TECRL: variants seen among roughly 807,000 people sequenced by gnomAD.
TECRL encodes trans-2,3-enoyl-CoA reductase-like.
A neutral mutation model predicts 52.8 loss-of-function variants in TECRL; 63 were observed. That is an observed-to-expected ratio of 1.19 (90% CI 0.97 to 1.47). The LOEUF (loss-of-function observed/expected upper bound fraction) is 1.47, where lower values mean the gene tolerates loss of function less well. Ranked by LOEUF, TECRL falls within the 40% of genes most tolerant of loss-of-function variation. The probability of loss-of-function intolerance (pLI) is 0.00; values close to 1 mark genes in which losing one functional copy is unlikely to be tolerated. For synonymous variants in TECRL, 164 were observed against 141.9 expected (o/e 1.16, Z -1.10); for missense variants, 482 against 429.6 (o/e 1.12, Z -1.08).
chr4:64,312,895 C>G (rs929583319), intron 5 of TECRL, among the ~76,000 whole-genome samples: 2 of 152,122 alleles, frequency 1.3e-5, no homozygotes, highest in Non-Finnish European at 1.5e-5. Flanking sequence ...CTTTTAGGTT[C>G]TCCTTCCAAT....
At chr4:64,337,667 C>T (rs1457161826) in intron 2 of TECRL, among the ~76,000 whole-genome samples, 1 of 152,142 alleles carries the variant, frequency 6.6e-6, no homozygotes, top group Non-Finnish European at 1.5e-5. Context: ...TGAGTGAACT[C>T]CCATTCACAA....
chr4:64,368,642 C>G (rs1272842465), intron 2 of TECRL, among the ~76,000 whole-genome samples: 1 of 152,080 alleles, frequency 6.6e-6, no homozygotes, highest in East Asian at 1.9e-4. Flanking sequence ...ATCTTAGGTA[C>G]TTTTTGAGGT....
chr4:64,395,939 T>C (rs1723916131), intron 1 of TECRL, among the ~76,000 whole-genome samples: 1 of 152,162 alleles, frequency 6.6e-6, no homozygotes, highest in African/African-American at 2.4e-5. Context: ...GGTTTTCTGT[T>C]CCTCAGTTAA....
rs534820822 is a variant in TECRL at position 64,375,352 on chromosome 4, T to C, written c.235-129A>G. On this transcript the variant is annotated intron_variant, in intron 1 of 11. Transcript: ENST00000381210. ...AAGAATTTTTGCTTCATTTATCTTT[T>C]TAGTGATTACTATTTTGACAAGCTT... 8.7e-6 allele frequency: 4 copies of C among 461,908 alleles called. No homozygotes were observed. In the East Asian group the frequency reaches 1.7e-4, roughly 19 times the overall value. The allele number at this position is 461,908 out of a possible 1,614,324, so 28.6% of individuals were successfully genotyped here. A position where few individuals can be genotyped will look rare whatever the true frequency, so the allele number is the denominator to read the frequency against.
At chr4:64,407,879 CTAAAA>C (rs1724833715) in intron 1 of TECRL, among the ~76,000 whole-genome samples, 1 of 150,248 alleles carries the variant, frequency 6.7e-6, no homozygotes, top group African/African-American at 2.4e-5. Flanking sequence ...CACCTTGATA[CTAAAA>C]TAAAAGTAAA....
chr4:64,348,779 T>C (rs544489122), intron 2 of TECRL, among the ~76,000 whole-genome samples: 8 of 152,168 alleles, frequency 5.3e-5, no homozygotes, highest in Non-Finnish European at 8.8e-5. Flanking sequence ...ACATGTCTCA[T>C]CCTATATACA....
At chr4:64,324,482 T>A (rs1288250213) in intron 3 of TECRL, among the ~76,000 whole-genome samples, 1 of 151,958 alleles carries the variant, frequency 6.6e-6, no homozygotes, top group South Asian at 2.1e-4. Context: ...CAGTCTCTAT[T>A]TTTGAAATAA....
At chr4:64,280,923 A>G (rs1235451519) in intron 11 of TECRL, 118 bp downstream of exon 11, 1 of 593,246 alleles carries the variant, frequency 1.7e-6, no homozygotes, top group Non-Finnish European at 2.8e-6. Flanking sequence ...TCAGTATGAA[A>G]CTATGAAATC....
intron 8 of TECRL, among the ~76,000 whole-genome samples, chr4:64,290,860 A>G (rs1280077447): frequency 6.6e-6 from 1 of 152,154 alleles, no homozygotes; most frequent in Non-Finnish European, 1.5e-5. Flanking sequence ...AATACACCAA[A>G]TATATTAAAT....
intron 2 of TECRL, among the ~76,000 whole-genome samples, chr4:64,361,923 T>C (rs570038158): frequency 2.6e-5 from 4 of 152,246 alleles, no homozygotes; most frequent in African/African-American, 4.8e-5. Flanking sequence ...CTCATCAAGA[T>C]ACAGCAGAAG....
chr4:64,291,488 TA>T (rs1324363413), intron 8 of TECRL, among the ~76,000 whole-genome samples: 1 of 151,956 alleles, frequency 6.6e-6, no homozygotes, highest in Non-Finnish European at 1.5e-5. Context: ...GAAAATATTA[TA>T]AAATATTTAT....
chr4:64,383,431 C>A (rs927499467), intron 1 of TECRL, among the ~76,000 whole-genome samples: 2 of 151,962 alleles, frequency 1.3e-5, no homozygotes, highest in Non-Finnish European at 2.9e-5. Flanking sequence ...ATATGTCAGG[C>A]AGGCTCTCTT....
intron 1 of TECRL, among the ~76,000 whole-genome samples, chr4:64,394,740 G>T (rs890184350): frequency 6.6e-6 from 1 of 151,996 alleles, no homozygotes; most frequent in African/African-American, 2.4e-5. Context: ...AATTTATTGG[G>T]CATTTACTGT....
At chr4:64,395,314 T>C (rs1723867185) in intron 1 of TECRL, among the ~76,000 whole-genome samples, 1 of 152,172 alleles carries the variant, frequency 6.6e-6, no homozygotes, top group Non-Finnish European at 1.5e-5. Flanking sequence ...TTAACCTAAG[T>C]TATAAAAGTT....
intron 2 of TECRL, among the ~76,000 whole-genome samples, chr4:64,341,806 C>A (rs1343579079): frequency 6.6e-6 from 1 of 152,134 alleles, no homozygotes; most frequent in East Asian, 1.9e-4. Context: ...GCTGGGGAAG[C>A]AGCTTGTGGT....
chr4:64,316,009 T>TTA (rs1560493490), intron 4 of TECRL, among the ~76,000 whole-genome samples: 1 of 151,822 alleles, frequency 6.6e-6, no homozygotes, highest in Non-Finnish European at 1.5e-5. Flanking sequence ...CATTATTCTA[T>TTA]AGAAAATGTT....
chr4:64,382,407 A>G (rs1226635297), intron 1 of TECRL, among the ~76,000 whole-genome samples: 5 of 149,484 alleles, frequency 3.3e-5, no homozygotes, highest in East Asian at 1.9e-4. Context: ...GTTTGTTGTT[A>G]GTGTATATAT....
At chr4:64,326,711 A>G (rs1427134606) in intron 3 of TECRL, among the ~76,000 whole-genome samples, 4 of 152,108 alleles carry the variant, frequency 2.6e-5, no homozygotes, top group Admixed American at 1.3e-4. Flanking sequence ...GCATGAACCT[A>G]TCCAAGTTCA....
chr4:64,402,540 C>T (rs961389532), intron 1 of TECRL, among the ~76,000 whole-genome samples: 1 of 151,936 alleles, frequency 6.6e-6, no homozygotes, highest in Admixed American at 6.6e-5. Flanking sequence ...CTAAGTGGCA[C>T]ATAAAGGAGT....
Sources: allele counts gnomAD v4.1 joint callset (sites outside exome capture counted in the v4.1 genomes callset), GRCh38; gene constraint gnomAD v4.1.1; transcripts MANE v1.5; gene names NCBI Gene and HGNC (gene_info 2026-07-23, HGNC 2026-07-21).